BCKDHB: variants seen among roughly 807,000 people sequenced by gnomAD.
BCKDHB encodes the protein 2-oxoisovalerate dehydrogenase subunit beta, mitochondrial.
In BCKDHB, 41 loss-of-function variants were observed where a neutral mutation model predicts 48.5. That is an observed-to-expected ratio of 0.85 (90% confidence interval 0.66 to 1.10). The LOEUF is 1.10. Among genes scored for constraint, BCKDHB ranks in the 50% least tolerant of loss-of-function variants. BCKDHB has a pLI of 0.00. For synonymous variants in BCKDHB, 201 were observed against 174.8 expected, an observed-to-expected ratio of 1.15 and a Z score of -1.18; for missense variants, 496 against 494.2, an observed-to-expected ratio of 1.00 and a Z score of -0.03.
intron 8 of BCKDHB, among the ~76,000 whole-genome samples, chr6:80,207,389 CAG>C (rs1774716347): frequency 2.0e-5 from 3 of 151,800 alleles, no homozygotes; most frequent in Non-Finnish European, 4.4e-5. Flanking sequence ...ACTGAAATAA[CAG>C]GGAATGAATG....
the BCKDHB span, among the ~76,000 whole-genome samples, chr6:80,366,692 A>G: frequency 6.6e-6 from 1 of 152,158 alleles, no homozygotes; most frequent in African/African-American, 2.4e-5. Flanking sequence ...CTATCCATCC[A>G]TTCATCCATC....
At chr6:80,137,870 G>A (rs760391077) in intron 3 of BCKDHB, among the ~76,000 whole-genome samples, 1 of 151,924 alleles carries the variant, frequency 6.6e-6, no homozygotes, top group Non-Finnish European at 1.5e-5. Flanking sequence ...GATTGCTTGA[G>A]GCCAAGAGTT....
chr6:80,220,377 TATAGATTATCTCTG>T, intron 8 of BCKDHB, among the ~76,000 whole-genome samples: 1 of 147,290 alleles, frequency 6.8e-6, no homozygotes, highest in Non-Finnish European at 1.5e-5. Context: ...AGTTATGTTC[TATAGATTATCTCTG>T]TTTCTTTAGT....
At chr6:80,192,822 C>CTT (rs11415441) in intron 6 of BCKDHB, among the ~76,000 whole-genome samples, 101 of 145,218 alleles carry the variant, frequency 7.0e-4, no homozygotes, top group African/African-American at 8.4e-4. Flanking sequence ...TATTTGCCAA[C>CTT]TTTTTTTTTT....
chr6:80,337,307 C>T (rs1157978), intron 9 of BCKDHB, among the ~76,000 whole-genome samples: 117,973 of 151,994 alleles, frequency 0.78, 46,149 homozygotes, highest in Admixed American at 0.84. Context: ...TCACGGACTT[C>T]AAAAGTATCA....
chr6:80,433,617 T>C, the BCKDHB span, among the ~76,000 whole-genome samples: 15 of 152,242 alleles, frequency 9.9e-5, no homozygotes, highest in Admixed American at 4.6e-4. Context: ...GTGGGACCCA[T>C]TGAACCAGAC....
At chr6:80,220,298 C>G (rs1341449353) in intron 8 of BCKDHB, among the ~76,000 whole-genome samples, 2 of 40,870 alleles carry the variant, frequency 4.9e-5, no homozygotes, top group South Asian at 1.2e-3. Flanking sequence ...TTGTATCATG[C>G]TATTTGTTTT....
At chr6:80,460,510 T>C in the BCKDHB span, among the ~76,000 whole-genome samples, 3 of 152,122 alleles carry the variant, frequency 2.0e-5, no homozygotes, top group Non-Finnish European at 4.4e-5. Context: ...TGCCCAAGCA[T>C]TGGCTCACAA....
rs145791504 is a variant in BCKDHB, at chr6:80,330,123, G to T, written c.1039-13541G>T. Among the ~76,000 whole-genome samples, 12 of 145,916 alleles carry T rather than the reference G, an allele frequency of 8.2e-5. No individual in the cohort carries two copies. In the East Asian group the frequency reaches 2.2e-3, roughly 27 times the overall value. On this transcript the variant is annotated intron_variant, in intron 9 of 9. Transcript: ENST00000320393. ...AAGGTGATCTTATAAAAAAAAAAAA[G>T]CTTTGGTATGAAGGCAGGCATGTGC...
chr6:80,160,717 A>G (rs1255487248), intron 3 of BCKDHB, among the ~76,000 whole-genome samples: 2 of 152,218 alleles, frequency 1.3e-5, no homozygotes, highest in Non-Finnish European at 2.9e-5. Context: ...ACTATTAGAA[A>G]GCGATGGTAT....
chr6:80,202,994 G>C (rs764747407), intron 7 of BCKDHB, 108 bp from the exon 8 acceptor site: 1 of 809,564 alleles, frequency 1.2e-6, no homozygotes, highest in Non-Finnish European at 2.2e-6. Context: ...ATGCAGATCA[G>C]TTCCTGAGAC....
chr6:80,378,240 C>T, the BCKDHB span, among the ~76,000 whole-genome samples: 2 of 152,110 alleles, frequency 1.3e-5, no homozygotes, highest in African/African-American at 2.4e-5. Context: ...TCCCATGCTC[C>T]CTTCTTTTGT....
chr6:80,184,206 CT>C (rs1460594079), intron 6 of BCKDHB, among the ~76,000 whole-genome samples: 1 of 152,128 alleles, frequency 6.6e-6, no homozygotes, highest in Admixed American at 6.5e-5. Flanking sequence ...TAATATCCCC[CT>C]TTGACTTTTT....
intron 9 of BCKDHB, among the ~76,000 whole-genome samples, chr6:80,294,391 G>A (rs764339500): frequency 7.9e-5 from 12 of 152,160 alleles, no homozygotes; most frequent in Non-Finnish European, 1.8e-4. Context: ...TGAAATCAGT[G>A]CACCTTGAAA....
At chr6:80,447,198 C>T in the BCKDHB span, among the ~76,000 whole-genome samples, 1 of 152,062 alleles carries the variant, frequency 6.6e-6, no homozygotes, top group African/African-American at 2.4e-5. Flanking sequence ...TTTTGTGCCA[C>T]CATTTTCTTA....
intron 8 of BCKDHB, among the ~76,000 whole-genome samples, chr6:80,226,414 G>T (rs897476735): frequency 6.6e-6 from 1 of 152,196 alleles, no homozygotes; most frequent in African/African-American, 2.4e-5. Flanking sequence ...TCTTGAGAGA[G>T]AGCATGCATT....
the BCKDHB span, among the ~76,000 whole-genome samples, chr6:80,385,987 G>A: frequency 1.4e-4 from 21 of 152,262 alleles, no homozygotes; most frequent in African/African-American, 4.8e-4. Context: ...GCTGAAATGC[G>A]GATTAAAAGA....
chr6:80,183,082 T>C (rs1773487323), intron 6 of BCKDHB, among the ~76,000 whole-genome samples: 1 of 152,174 alleles, frequency 6.6e-6, no homozygotes, highest in Non-Finnish European at 1.5e-5. Flanking sequence ...TATATGTGTA[T>C]GTAGAAGAAG....
At chr6:80,293,991 C>T (rs2127986629) in intron 9 of BCKDHB, among the ~76,000 whole-genome samples, 1 of 152,318 alleles carries the variant, frequency 6.6e-6, no homozygotes, top group Middle Eastern at 3.4e-3. Flanking sequence ...TTGGTCAAAG[C>T]CATTCAACAA....
Sources: gnomAD v4.1 joint callset for allele counts (sites outside exome capture counted in the v4.1 genomes callset) on GRCh38, gnomAD v4.1.1 for gene constraint, MANE v1.5 for transcripts, NCBI Gene and HGNC (gene_info 2026-07-23, HGNC 2026-07-21) for gene names.